Variants in ASAP2 observed in about 807,000 individuals in gnomAD.
ASAP2 encodes the protein arf-GAP with SH3 domain, ANK repeat and PH domain-containing protein 2.
In ASAP2, 45 loss-of-function variants were observed where a neutral mutation model predicts 131.4. The observed-to-expected ratio is 0.34, with a 90% confidence interval of 0.27 to 0.44. The LOEUF (loss-of-function observed/expected upper bound fraction) is 0.44, where lower values mean the gene tolerates loss of function less well. Among genes scored for constraint, ASAP2 ranks in the 20% least tolerant of loss-of-function variants. ASAP2 has a pLI of 1.00. For missense variants in ASAP2, 1,011 were observed against 1,297.0 expected (o/e 0.78, Z 3.39); for synonymous variants, 510 against 503.0 (o/e 1.01, Z -0.19).
At chr2:9,318,721 A>G (rs1215943059) in intron 4 of ASAP2, 123 bp downstream of exon 4, 1 of 594,366 alleles carries the variant, frequency 1.7e-6, no homozygotes, top group Non-Finnish European at 2.9e-6. Flanking sequence ...TGGCTCTTTT[A>G]TCTCAGCTTC....
At chr2:9,228,769 A>G (rs1397969447) in intron 1 of ASAP2, among the ~76,000 whole-genome samples, 2 of 152,226 alleles carry the variant, frequency 1.3e-5, no homozygotes, top group African/African-American at 4.8e-5. Context: ...GTGATACCTA[A>G]TATATGTAAA....
intron 2 of ASAP2, among the ~76,000 whole-genome samples, chr2:9,294,998 A>G (rs745591869): frequency 5.3e-5 from 8 of 152,160 alleles, no homozygotes; most frequent in Non-Finnish European, 8.8e-5. Context: ...TAAACTGCCC[A>G]TGTCTTGACC....
chr2:9,373,177 G>A (rs1004519335), intron 16 of ASAP2, among the ~76,000 whole-genome samples: 13 of 152,140 alleles, frequency 8.5e-5, no homozygotes, highest in African/African-American at 3.1e-4. Flanking sequence ...CCTGTAGAGC[G>A]GGCAGAACTG....
intron 1 of ASAP2, among the ~76,000 whole-genome samples, chr2:9,213,462 A>G (rs1267258547): frequency 6.6e-6 from 1 of 152,206 alleles, no homozygotes; most frequent in Non-Finnish European, 1.5e-5. Flanking sequence ...GGTTTTGAGC[A>G]GGGAATAACA....
chr2:9,334,662 G>T (rs1671080101), intron 7 of ASAP2, 76 bp from the exon 8 acceptor site: 1 of 1,366,192 alleles, frequency 7.3e-7, no homozygotes, highest in East Asian at 2.3e-5. Context: ...TCACTTTAAA[G>T]AAGTTTTTAA....
In ASAP2 at chr2:9,344,586, A is replaced by G. The variant is rs1474269733; in HGVS notation, c.904A>G (p.Lys302Glu). The G allele has an allele frequency of 2.5e-6, 4 of 1,614,226 alleles. No individual in the cohort carries two copies. The highest frequency in any genetic ancestry group is 3.4e-6 in the Non-Finnish European group (4 of 1,180,032). ...TAGCTTACATCAGCCTCAGGGAAAC[A>G]AGGAACATGGGACCGAGCGGAACGG... ...AYSLHQPQGN[K>E]EHGTERNGSL... Residue 302 changes from lysine to glutamate, a missense_variant, in exon 10 of 28, where the codon AAG becomes GAG. By Grantham distance (56) the Lys-to-Glu change is moderately conservative (BLOSUM62 1). Transcript: ENST00000281419.
chr2:9,356,976 G>T (rs1304979387), intron 14 of ASAP2, among the ~76,000 whole-genome samples: 1 of 152,014 alleles, frequency 6.6e-6, no homozygotes, highest in Non-Finnish European at 1.5e-5. Context: ...GGGGGTCGGG[G>T]ACTACACAGG....
intron 15 of ASAP2, among the ~76,000 whole-genome samples, chr2:9,367,913 C>A (rs764365099): frequency 3.3e-5 from 5 of 152,200 alleles, no homozygotes; most frequent in Non-Finnish European, 5.9e-5. Flanking sequence ...TAGGTATCAT[C>A]CCATTTTACT....
chr2:9,364,852 T>G (rs938081798), intron 15 of ASAP2, among the ~76,000 whole-genome samples: 5 of 152,232 alleles, frequency 3.3e-5, no homozygotes, highest in Non-Finnish European at 5.9e-5. Flanking sequence ...GTTGTAGGTG[T>G]TCTACGTACA....
At chr2:9,360,162 T>G (rs1672988579) in intron 15 of ASAP2, among the ~76,000 whole-genome samples, 1 of 152,244 alleles carries the variant, frequency 6.6e-6, no homozygotes, top group Non-Finnish European at 1.5e-5. Context: ...TTTCTTTTAC[T>G]GATTTTCTTA....
chr2:9,219,420 A>G (rs940941151), intron 1 of ASAP2, among the ~76,000 whole-genome samples: 3 of 152,192 alleles, frequency 2.0e-5, no homozygotes, highest in African/African-American at 7.2e-5. Context: ...CTGGTCTGTA[A>G]CATGAGAGAT....
At chr2:9,255,501 A>G (rs966086868) in intron 1 of ASAP2, among the ~76,000 whole-genome samples, 2 of 152,228 alleles carry the variant, frequency 1.3e-5, no homozygotes, top group Non-Finnish European at 2.9e-5. Flanking sequence ...TTGCCTTGTT[A>G]CTATGGAATG....
intron 1 of ASAP2, among the ~76,000 whole-genome samples, chr2:9,250,310 T>A (rs184053301): frequency 6.6e-6 from 1 of 152,326 alleles, no homozygotes; most frequent in East Asian, 1.9e-4. Context: ...AACCACAGAC[T>A]TCCTGCCTAG....
chr2:9,368,365 T>C, intron 15 of ASAP2, 60 bp from the exon 16 acceptor site: 1 of 1,406,806 alleles, frequency 7.1e-7, no homozygotes, highest in Non-Finnish European at 1.0e-6. Flanking sequence ...GGATGGGTAA[T>C]GTGTAGCAGT....
intron 1 of ASAP2, among the ~76,000 whole-genome samples, chr2:9,234,959 A>G (rs1291969665): frequency 6.6e-6 from 1 of 152,030 alleles, no homozygotes; most frequent in Non-Finnish European, 1.5e-5. Context: ...GTGATAAGAG[A>G]GGAATTTGAG....
At chr2:9,248,403 A>G (rs1366407924) in intron 1 of ASAP2, among the ~76,000 whole-genome samples, 1 of 151,472 alleles carries the variant, frequency 6.6e-6, no homozygotes, top group African/African-American at 2.4e-5. Context: ...TAATTAGTGT[A>G]TGTGTAGCTC....
At chr2:9,375,112 A>G (rs1674298282) in intron 17 of ASAP2, among the ~76,000 whole-genome samples, 168 bp downstream of exon 17, 1 of 149,644 alleles carries the variant, frequency 6.7e-6, no homozygotes, top group Admixed American at 6.6e-5. Flanking sequence ...TCTACAAAAA[A>G]AAAAAAAAAA....
rs6710137 is a variant in ASAP2 at position 9,295,400 on chromosome 2, C to T, written c.200-1900C>T. Among the ~76,000 whole-genome samples the T allele has an allele frequency of 5.7e-3, 873 of 152,314 alleles. 8 individuals are homozygous for T. The highest frequency in any genetic ancestry group is 0.015 in the African/African-American group (622 of 41,564). On this transcript the variant is annotated intron_variant, in intron 2 of 27. Transcript: ENST00000281419. The stretch of plus-strand genomic sequence containing the variant: ...TGAAGTTTGTGCTTTGAATAAGTGA[C>T]GCCTGTTGCTGCTGTTACTTTTGTT...
intron 3 of ASAP2, among the ~76,000 whole-genome samples, chr2:9,315,039 G>A (rs1184544009): frequency 6.6e-6 from 1 of 152,112 alleles, no homozygotes; most frequent in Non-Finnish European, 1.5e-5. Flanking sequence ...ACTCCTGATG[G>A]ATGAGAAGGC....
Sources: gnomAD v4.1 joint callset for allele counts (sites outside exome capture counted in the v4.1 genomes callset) on GRCh38, gnomAD v4.1.1 for gene constraint, MANE v1.5 for transcripts, NCBI Gene and HGNC (gene_info 2026-07-23, HGNC 2026-07-21) for gene names.